Variants in C8A observed in about 807,000 individuals in gnomAD.
The protein encoded by C8A is complement C8 alpha chain, also known as complement component C8 alpha chain.
A neutral mutation model predicts 65.3 loss-of-function variants in C8A; 67 were observed. The observed-to-expected ratio is 1.03, with a 90% CI of 0.84 to 1.26. C8A has a LOEUF of 1.26. Ranked by LOEUF, C8A falls within the 50% of genes most tolerant of loss-of-function variation. C8A has a pLI of 0.00. For missense variants in C8A, 781 were observed against 723.9 expected, an observed-to-expected ratio of 1.08 and a Z score of -0.90; for synonymous variants, 290 against 259.4, an observed-to-expected ratio of 1.12 and a Z score of -1.13.
At chr1:56,885,330 AT>A (rs1644283467) in intron 6 of C8A, among the ~76,000 whole-genome samples, 2 of 124,178 alleles carry the variant, frequency 1.6e-5, no homozygotes, top group African/African-American at 3.9e-5. Context: ...ATTTATTTAA[AT>A]ATATATTTAC....
intron 7 of C8A, among the ~76,000 whole-genome samples, chr1:56,892,582 C>A (rs1474885658): frequency 6.6e-6 from 1 of 152,036 alleles, no homozygotes; most frequent in Non-Finnish European, 1.5e-5. Flanking sequence ...ACAATCCATC[C>A]CTTTCTCTCT....
intron 7 of C8A, 100 bp downstream of exon 7, chr1:56,886,267 A>T: frequency 7.0e-7 from 1 of 1,429,144 alleles, no homozygotes; most frequent in South Asian, 1.2e-5. Flanking sequence ...GGGTGATCTC[A>T]TTTAGTTTTT....
chr1:56,880,665 G>GA (rs1039243157), intron 4 of C8A, among the ~76,000 whole-genome samples: 3 of 151,476 alleles, frequency 2.0e-5, no homozygotes, highest in African/African-American at 7.3e-5. Context: ...ATATTTCAAA[G>GA]TTTTTTTTTG....
intron 1 of C8A, among the ~76,000 whole-genome samples, chr1:56,856,697 T>C (rs1394126115): frequency 1.3e-5 from 2 of 152,094 alleles, no homozygotes; most frequent in African/African-American, 4.8e-5. Context: ...TTGCTTATTA[T>C]AAAATCTTAA....
chr1:56,874,301 A>AGT (rs1386137541), intron 2 of C8A, among the ~76,000 whole-genome samples: 5 of 152,220 alleles, frequency 3.3e-5, no homozygotes, highest in African/African-American at 9.6e-5. Flanking sequence ...GTTCATACCC[A>AGT]CACATCCCTG....
chr1:56,871,948 C>A (rs1644150372), intron 2 of C8A, among the ~76,000 whole-genome samples: 1 of 152,146 alleles, frequency 6.6e-6, no homozygotes, highest in African/African-American at 2.4e-5. Flanking sequence ...TCCTATAAGT[C>A]ACCATGAAAG....
At chr1:56,882,315 A>G (rs1644254556) in intron 5 of C8A, among the ~76,000 whole-genome samples, 2 of 152,278 alleles carry the variant, frequency 1.3e-5, no homozygotes, top group Non-Finnish European at 2.9e-5. Context: ...TTGAATGCTT[A>G]ACATGTGTCA....
At chr1:56,872,457 T>A (rs889669237) in intron 2 of C8A, among the ~76,000 whole-genome samples, 5 of 152,018 alleles carry the variant, frequency 3.3e-5, no homozygotes, top group African/African-American at 7.2e-5. Context: ...CAGAAAAAAA[T>A]TTAAGATAAT....
chr1:56,855,055 C>A, intron 1 of C8A, 77 bp downstream of exon 1: 1 of 1,055,356 alleles, frequency 9.5e-7, no homozygotes, highest in Non-Finnish European at 1.5e-6. Flanking sequence ...TTTATGTTTG[C>A]AGCAGAGGCT....
At chr1:56,913,030 G>A (rs1022936306) in intron 10 of C8A, among the ~76,000 whole-genome samples, 10 of 152,168 alleles carry the variant, frequency 6.6e-5, no homozygotes, top group Non-Finnish European at 1.5e-4. Flanking sequence ...GACTGGGGGA[G>A]TATGTGGTTC....
intron 9 of C8A, among the ~76,000 whole-genome samples, chr1:56,909,320 A>G (rs1372224398): frequency 6.6e-6 from 1 of 152,236 alleles, no homozygotes; most frequent in Non-Finnish European, 1.5e-5. Flanking sequence ...ATATGGATAT[A>G]GTCCTCCTCT....
intron 6 of C8A, among the ~76,000 whole-genome samples, chr1:56,885,345 AATAT>A (rs1220886754): frequency 1.1e-4 from 11 of 95,828 alleles, no homozygotes; most frequent in African/African-American, 4.1e-4. Context: ...TATTTACATA[AATAT>A]ATATTTATGT....
intron 1 of C8A, among the ~76,000 whole-genome samples, chr1:56,861,761 C>T (rs1438483325): frequency 6.6e-6 from 1 of 152,134 alleles, no homozygotes; most frequent in African/African-American, 2.4e-5. Flanking sequence ...ATGGAATCTC[C>T]ATGTAACTGG....
intron 9 of C8A, among the ~76,000 whole-genome samples, chr1:56,909,113 AC>A (rs1644488377): frequency 6.6e-6 from 1 of 152,224 alleles, no homozygotes; most frequent in South Asian, 2.1e-4. Context: ...TAAATGCTTA[AC>A]CTCACAAAGT....
chr1:56,893,856 C>A (rs1175637848), intron 7 of C8A, among the ~76,000 whole-genome samples: 1 of 152,144 alleles, frequency 6.6e-6, no homozygotes, highest in African/African-American at 2.4e-5. Flanking sequence ...CCTATCTCCA[C>A]CCTTTATCAG....
chr1:56,875,096 G>C lies in C8A; in HGVS notation c.316+3G>C. On this transcript the variant is annotated splice_donor_region_variant and intron_variant, in intron 3 of 10. Coordinates refer to ENST00000361249, the MANE Select transcript of C8A (RefSeq NM_000562.3). The stretch of plus-strand genomic sequence containing the variant: ...GGATTTCCAGTGTAAGGAGACAGGT[G>C]AGTAGCATTTCAGCAGAATAACAGC... 6.2e-7 allele frequency: 1 copy of C among 1,613,268 alleles called. No individual in the cohort carries two copies. Among genetic ancestry groups the C allele is most frequent in the Non-Finnish European group, 8.5e-7 (1 of 1,179,600 alleles).
At chr1:56,911,581 C>T (rs1250327850) in intron 9 of C8A, among the ~76,000 whole-genome samples, 1 of 152,220 alleles carries the variant, frequency 6.6e-6, no homozygotes, top group Non-Finnish European at 1.5e-5. Flanking sequence ...TGGAAGGGGG[C>T]TGCTGGCATG....
Position 56,912,449 on chromosome 1 carries a change from T to C in C8A, c.1427T>C (p.Leu476Pro), listed in dbSNP as rs1438807334. 1 of 1,614,216 alleles carries C rather than the reference T, an allele frequency of 6.2e-7. No homozygotes were observed. Residue 476 changes from leucine (L) to proline (P), a missense_variant, in exon 10 of 11, where the codon CTG becomes CCG. Transcript: ENST00000361249. ...CTGCGGCACACAAGCCTGGGGCCTC[T>C]GGAGGCCAAGCGCCAGAACCTGCGC... is the stretch of plus-strand genomic sequence containing the variant. The part of the protein sequence containing the change: ...EVLRHTSLGP[L>P]EAKRQNLRRA...
At chr1:56,862,736 A>G (rs999088900) in intron 1 of C8A, among the ~76,000 whole-genome samples, 2 of 152,154 alleles carry the variant, frequency 1.3e-5, no homozygotes, top group Admixed American at 6.5e-5. Context: ...CTGAGTCCCT[A>G]TGCTCCGTAT....
Sources: gnomAD v4.1 joint callset for allele counts (sites outside exome capture counted in the v4.1 genomes callset) on GRCh38, gnomAD v4.1.1 for gene constraint, MANE v1.5 for transcripts, NCBI Gene and HGNC (gene_info 2026-07-23, HGNC 2026-07-21) for gene names.